PTPRG: variants seen among roughly 807,000 people sequenced by gnomAD.
PTPRG encodes the protein receptor-type tyrosine-protein phosphatase gamma.
PTPRG carries 102 observed loss-of-function variants against 165.3 expected under a neutral mutation model. The observed-to-expected ratio is 0.62, with a 90% CI of 0.53 to 0.73. PTPRG has a LOEUF of 0.73. Ranked by LOEUF, PTPRG falls within the 30% of genes least tolerant of loss-of-function variation. PTPRG has a pLI of 0.00. For synonymous variants in PTPRG, 675 were observed against 669.5 expected, an observed-to-expected ratio of 1.01 and a Z score of -0.13; for missense variants, 1,866 against 1,861.4, an observed-to-expected ratio of 1.00 and a Z score of -0.05.
At chr3:61,690,156 T>A (rs925777182) in intron 1 of PTPRG, among the ~76,000 whole-genome samples, 8 of 152,228 alleles carry the variant, frequency 5.3e-5, no homozygotes, top group African/African-American at 1.9e-4. Context: ...GACAATGGAC[T>A]TTACTTGTTA....
At chr3:62,159,789 C>T (rs1296952902) in intron 7 of PTPRG, among the ~76,000 whole-genome samples, 1 of 152,176 alleles carries the variant, frequency 6.6e-6, no homozygotes, top group African/African-American at 2.4e-5. Flanking sequence ...TTTTATCAGA[C>T]ACTGCTTCAT....
intron 2 of PTPRG, among the ~76,000 whole-genome samples, chr3:61,918,414 G>T (rs2038994749): frequency 6.6e-6 from 1 of 152,152 alleles, no homozygotes. Flanking sequence ...GTGAGTATAT[G>T]TGTGTGTATG....
intron 16 of PTPRG, among the ~76,000 whole-genome samples, chr3:62,258,565 G>T (rs1479672620): frequency 6.6e-6 from 1 of 152,198 alleles, no homozygotes; most frequent in African/African-American, 2.4e-5. Flanking sequence ...GTAAAAAAAT[G>T]TTGGTGAATA....
chr3:61,797,768 G>A (rs999468176), intron 2 of PTPRG, among the ~76,000 whole-genome samples: 8 of 152,006 alleles, frequency 5.3e-5, no homozygotes, highest in African/African-American at 1.7e-4. Flanking sequence ...CTGACTGCCC[G>A]GAGTGTGGTG....
chr3:61,772,058 T>TAAAAAAAAAAAA, intron 2 of PTPRG, among the ~76,000 whole-genome samples: 1 of 64,782 alleles, frequency 1.5e-5, no homozygotes, highest in Non-Finnish European at 2.8e-5. Context: ...AGACTCTGTC[T>TAAAAAAAAAAAA]AAAAAAAAAA....
chr3:61,710,401 G>A (rs1407937406), intron 1 of PTPRG, among the ~76,000 whole-genome samples: 1 of 152,096 alleles, frequency 6.6e-6, no homozygotes, highest in African/African-American at 2.4e-5. Flanking sequence ...ATAGTTCTAT[G>A]AGGTTAGATA....
chr3:61,670,469 G>A lies in PTPRG; in HGVS notation c.86-78409G>A, dbSNP rs568338491. 6.6e-5 allele frequency among the ~76,000 whole-genome samples: 10 copies of A among 152,286 alleles called. No homozygotes were observed. In the East Asian group the frequency reaches 9.6e-4, roughly 15 times the overall value. ...ATATTTGTTTAAATTATGTCACAGC[G>A]CATTGCAGACTTGTAATCTGTTTTC... On this transcript the variant is annotated intron_variant, in intron 1 of 29. Transcript: ENST00000474889.
At chr3:61,800,987 G>A (rs558721261) in intron 2 of PTPRG, among the ~76,000 whole-genome samples, 2 of 152,110 alleles carry the variant, frequency 1.3e-5, no homozygotes, top group Non-Finnish European at 2.9e-5. Flanking sequence ...AAGGTGGAAG[G>A]AAGCAGAAAT....
chr3:62,023,976 T>C (rs994501585), intron 4 of PTPRG, among the ~76,000 whole-genome samples: 1 of 152,148 alleles, frequency 6.6e-6, no homozygotes, highest in Non-Finnish European at 1.5e-5. Context: ...CTAATTGTTT[T>C]CTTAGACAAG....
intron 2 of PTPRG, among the ~76,000 whole-genome samples, chr3:61,884,647 T>G (rs139559046): frequency 6.6e-6 from 1 of 152,356 alleles, no homozygotes; most frequent in Non-Finnish European, 1.5e-5. Context: ...AATGGTTTGA[T>G]GTGTTCAGAA....
intron 1 of PTPRG, among the ~76,000 whole-genome samples, chr3:61,587,140 C>T (rs1425152234): frequency 6.6e-6 from 1 of 152,170 alleles, no homozygotes; most frequent in Non-Finnish European, 1.5e-5. Context: ...CAAATATCTC[C>T]CTACATTATT....
chr3:61,930,336 G>C lies in PTPRG; in HGVS notation c.191-59289G>C, dbSNP rs372701642. ...TGACTTTGAAAGGTATCTTGACCCA[G>C]GGACACCAACGAGTTTATTCCAACA... On this transcript the variant is annotated intron_variant, in intron 2 of 29. Transcript: ENST00000474889. Among the ~76,000 whole-genome samples, 10 of 152,238 alleles carry C rather than the reference G, an allele frequency of 6.6e-5. No individual in the cohort carries two copies. The East Asian group carries it at 1.7e-3, about 26-fold the overall frequency.
rs1460752048 is a variant in PTPRG, at chr3:61,693,635, T to A, written c.86-55243T>A. ...AATAAAGGTGCACAAGGTGTGTGTG[T>A]TCAGGGCTGGGGAGGGAGAAGATGA... On this transcript the variant is annotated intron_variant, in intron 1 of 29. Coordinates refer to ENST00000474889, the MANE Select transcript of PTPRG (RefSeq NM_002841.4). Among the ~76,000 whole-genome samples, 6 of 152,106 alleles carry A rather than the reference T, an allele frequency of 3.9e-5. No individual in the cohort carries two copies. The East Asian group carries it at 1.2e-3, about 29-fold the overall frequency.
At chr3:61,978,860 G>A (rs2040570038) in intron 2 of PTPRG, among the ~76,000 whole-genome samples, 1 of 152,184 alleles carries the variant, frequency 6.6e-6, no homozygotes, top group Non-Finnish European at 1.5e-5. Context: ...TTGATTCACA[G>A]GCCATAGTTT....
At chr3:61,736,767 CCAATCTGTT>C (rs1449281031) in intron 1 of PTPRG, among the ~76,000 whole-genome samples, 2 of 152,178 alleles carry the variant, frequency 1.3e-5, no homozygotes, top group African/African-American at 4.8e-5. Flanking sequence ...CCGCCTCCCT[CCAATCTGTT>C]CCCTGCCCAG....
intron 1 of PTPRG, among the ~76,000 whole-genome samples, chr3:61,656,658 T>C (rs1353363506): frequency 6.6e-6 from 1 of 152,208 alleles, no homozygotes; most frequent in African/African-American, 2.4e-5. Context: ...GATGGGTCTG[T>C]TGGGATTCTG....
chr3:61,957,585 T>C (rs2040062336), intron 2 of PTPRG, among the ~76,000 whole-genome samples: 3 of 152,168 alleles, frequency 2.0e-5, no homozygotes, highest in Admixed American at 2.0e-4. Flanking sequence ...ACGGGAACAA[T>C]TAGGTGATCA....
chr3:61,699,034 C>T (rs376450178), intron 1 of PTPRG, among the ~76,000 whole-genome samples: 148 of 151,294 alleles, frequency 9.8e-4, no homozygotes, highest in Middle Eastern at 6.8e-3. Flanking sequence ...GTGGGGGGAG[C>T]GGGGAGGGAT....
At chr3:62,076,638 A>G (rs1701397197) in intron 4 of PTPRG, among the ~76,000 whole-genome samples, 1 of 150,694 alleles carries the variant, frequency 6.6e-6, no homozygotes, top group South Asian at 2.1e-4. Context: ...CTGGAGTGCA[A>G]TGGCATGACC....
Sources: gnomAD v4.1 joint callset for allele counts (sites outside exome capture counted in the v4.1 genomes callset) on GRCh38, gnomAD v4.1.1 for gene constraint, MANE v1.5 for transcripts, NCBI Gene and HGNC (gene_info 2026-07-23, HGNC 2026-07-21) for gene names.